The following AFG2A variants were observed in gnomAD, a reference collection of about 807,000 sequenced individuals.
AFG2A encodes the protein AAA ATPase AFG2A.
chr4:123,259,563 G>GC, the AFG2A span, among the ~76,000 whole-genome samples: 2 of 152,152 alleles, frequency 1.3e-5, no homozygotes, highest in African/African-American at 2.4e-5. Flanking sequence ...GAAAAAACAT[G>GC]TGCCATTTAA....
chr4:123,044,520 A>G, the AFG2A span, among the ~76,000 whole-genome samples: 1 of 152,080 alleles, frequency 6.6e-6, no homozygotes, highest in Non-Finnish European at 1.5e-5. Flanking sequence ...TCTTGCTTCA[A>G]TTTTAACAAA....
At chr4:123,124,142 A>T in the AFG2A span, among the ~76,000 whole-genome samples, 1 of 152,094 alleles carries the variant, frequency 6.6e-6, no homozygotes, top group East Asian at 1.9e-4. Context: ...TACTGGGTAT[A>T]TACCCAAACG....
chr4:123,161,474 A>G, the AFG2A span, among the ~76,000 whole-genome samples: 2 of 152,174 alleles, frequency 1.3e-5, no homozygotes, highest in Non-Finnish European at 2.9e-5. Context: ...GAGGAGAGGA[A>G]TAGGTAGTTA....
At chr4:123,031,027 C>T in the AFG2A span, among the ~76,000 whole-genome samples, 1,532 of 152,228 alleles carry the variant, frequency 0.01, 37 homozygotes, top group African/African-American at 0.035. Flanking sequence ...AATTTGTCTT[C>T]TACTAGCATT....
At chr4:123,126,412 T>C in the AFG2A span, among the ~76,000 whole-genome samples, 1 of 152,214 alleles carries the variant, frequency 6.6e-6, no homozygotes, top group Non-Finnish European at 1.5e-5. Flanking sequence ...TGTTCTCTAA[T>C]AGTTCATGTG....
the AFG2A span, among the ~76,000 whole-genome samples, chr4:123,301,552 A>G: frequency 6.6e-6 from 1 of 152,212 alleles, no homozygotes; most frequent in Admixed American, 6.5e-5. Flanking sequence ...GAAAAAAAAG[A>G]ACTTTCTTCC....
At chr4:123,127,534 C>T in the AFG2A span, among the ~76,000 whole-genome samples, 250 of 152,064 alleles carry the variant, frequency 1.6e-3, 1 homozygote, top group Middle Eastern at 0.014. Flanking sequence ...ACTGTTTAGC[C>T]ACGGAAGGTA....
the AFG2A span, among the ~76,000 whole-genome samples, chr4:123,008,279 T>G: frequency 2.0e-5 from 3 of 152,120 alleles, no homozygotes; most frequent in Non-Finnish European, 4.4e-5. Context: ...CCAGTTCTTA[T>G]GGGAACTAAG....
At chr4:123,237,671 T>TCA in the AFG2A span, among the ~76,000 whole-genome samples, 1 of 32,708 alleles carries the variant, frequency 3.1e-5, no homozygotes, top group African/African-American at 1.9e-4. Context: ...AAACCTTGTC[T>TCA]CAAAAAAAAA....
At chr4:122,938,190 A>G in the AFG2A span, 1 of 1,610,648 alleles carries the variant, frequency 6.2e-7, no homozygotes, top group Admixed American at 1.7e-5. Flanking sequence ...GGGGGCCCAG[A>G]ATGAAGTGGA....
At chr4:123,311,625 CAAAAAAAAAAAAAAAAAA>C in the AFG2A span, among the ~76,000 whole-genome samples, 1 of 92,234 alleles carries the variant, frequency 1.1e-5, no homozygotes, top group Non-Finnish European at 2.1e-5. Context: ...GACTCTGTCT[CAAAAAAAAAAAAAAAAAA>C]AAAAAAAAAA....
chr4:123,140,230 G>GA, the AFG2A span, among the ~76,000 whole-genome samples: 5 of 152,052 alleles, frequency 3.3e-5, no homozygotes, highest in African/African-American at 1.2e-4. Context: ...ATGAGTAAGT[G>GA]AAAAAATCCA....
the AFG2A span, among the ~76,000 whole-genome samples, chr4:123,085,067 G>A: frequency 1.3e-5 from 2 of 148,322 alleles, no homozygotes; most frequent in African/African-American, 5.0e-5. Flanking sequence ...ATTCTATTTT[G>A]GTCTGAAAGC....
At chr4:123,256,781 A>G in the AFG2A span, 1 of 985,154 alleles carries the variant, frequency 1.0e-6, no homozygotes, top group Non-Finnish European at 1.2e-6. Flanking sequence ...AAATATGAAA[A>G]TGACTTTTAT....
At chr4:122,923,310 A>C in the AFG2A span, 1 of 1,613,740 alleles carries the variant, frequency 6.2e-7, no homozygotes, top group Non-Finnish European at 8.5e-7. Context: ...AAAAGGGTAA[A>C]GAATTCCGGG....
chr4:122,976,225 T>C, the AFG2A span, among the ~76,000 whole-genome samples: 4 of 152,094 alleles, frequency 2.6e-5, no homozygotes, highest in Admixed American at 6.5e-5. Context: ...TCCTTCAAAG[T>C]GGAATTTTAT....
At chr4:123,005,909 CAG>C in the AFG2A span, among the ~76,000 whole-genome samples, 2 of 152,092 alleles carry the variant, frequency 1.3e-5, no homozygotes, top group Admixed American at 1.3e-4. Context: ...TTGCACTAAA[CAG>C]AGTATTTTCT....
At chr4:123,009,369 T>G in the AFG2A span, among the ~76,000 whole-genome samples, 1 of 152,216 alleles carries the variant, frequency 6.6e-6, no homozygotes, top group Non-Finnish European at 1.5e-5. Flanking sequence ...AAAGCAAGCA[T>G]TCACCATAAA....
At chr4:122,970,401 A>G in the AFG2A span, among the ~76,000 whole-genome samples, 5 of 152,016 alleles carry the variant, frequency 3.3e-5, no homozygotes, top group Admixed American at 2.0e-4. Context: ...AAAATCACAT[A>G]AAGACACATC....
Sources: gnomAD v4.1 joint callset for allele counts (sites outside exome capture counted in the v4.1 genomes callset) on GRCh38, gnomAD v4.1.1 for gene constraint, MANE v1.5 for transcripts, NCBI Gene and HGNC (gene_info 2026-07-23, HGNC 2026-07-21) for gene names.